The following WWOX variants were observed in gnomAD, a reference collection of about 807,000 sequenced individuals.
WWOX encodes the protein WW domain containing oxidoreductase.
WWOX carries 69 observed loss-of-function variants against 46.2 expected under a neutral mutation model. That is an observed-to-expected ratio of 1.49 (90% CI 1.23 to 1.82). WWOX has a LOEUF of 1.82. Among genes scored for constraint, WWOX ranks in the 40% most tolerant of loss-of-function variants. WWOX has a pLI of 0.00. For missense variants in WWOX, 919 were observed against 542.6 expected (o/e 1.69, Z -6.89); for synonymous variants, 359 against 202.6 (o/e 1.77, Z -6.56).
In WWOX at chr16:78,667,069, A is replaced by T. The variant is rs568069393; in HGVS notation, c.1056+234317A>T. On this transcript the variant is annotated intron_variant, in intron 8 of 8. Coordinates refer to ENST00000566780, the MANE Select transcript of WWOX (RefSeq NM_016373.4). ...TTACATAATGGTCAGAGGAGTTTTG[A>T]GTATCGGATCTTTGTGTACTTGCTT... Among the ~76,000 whole-genome samples, 9 of 152,296 alleles carry T rather than the reference A, an allele frequency of 5.9e-5. No homozygotes were observed. In the South Asian group the frequency reaches 1.9e-3, roughly 32 times the overall value.
chr16:79,128,508 C>A (rs1166386202), intron 8 of WWOX, among the ~76,000 whole-genome samples: 1 of 152,232 alleles, frequency 6.6e-6, no homozygotes, highest in East Asian at 1.9e-4. Context: ...AATAACTTGG[C>A]CAAGGTCACA....
intron 8 of WWOX, among the ~76,000 whole-genome samples, chr16:78,926,734 T>G (rs74746939): frequency 0.021 from 3,258 of 152,290 alleles, 38 homozygotes; most frequent in African/African-American, 0.029. Flanking sequence ...GAAAAGTCTT[T>G]CTACATTTCT....
intron 5 of WWOX, among the ~76,000 whole-genome samples, chr16:78,246,897 C>A (rs186532813): frequency 6.6e-6 from 1 of 151,928 alleles, no homozygotes; most frequent in Non-Finnish European, 1.5e-5. Context: ...AATCCTTGGA[C>A]CCCAGAGTGA....
intron 8 of WWOX, among the ~76,000 whole-genome samples, chr16:78,858,547 C>A (rs868008224): frequency 1.3e-5 from 2 of 152,076 alleles, no homozygotes; most frequent in Middle Eastern, 3.4e-3. Context: ...AGGTGATAAA[C>A]AGTAATTATA....
At chr16:78,521,037 G>A (rs1331511243) in intron 8 of WWOX, among the ~76,000 whole-genome samples, 1 of 152,154 alleles carries the variant, frequency 6.6e-6, no homozygotes, top group East Asian at 1.9e-4. Flanking sequence ...GGCCCCTTCT[G>A]GAAACACACT....
chr16:78,609,643 C>G (rs1007927324), intron 8 of WWOX, among the ~76,000 whole-genome samples: 1 of 151,876 alleles, frequency 6.6e-6, no homozygotes, highest in Non-Finnish European at 1.5e-5. Context: ...GTCCCTGTCA[C>G]TCTTAAAATG....
chr16:78,467,983 T>C (rs975053590), intron 8 of WWOX, among the ~76,000 whole-genome samples: 21 of 152,180 alleles, frequency 1.4e-4, no homozygotes, highest in African/African-American at 4.8e-4. Context: ...ATGGGCAATC[T>C]TGGGGATGGG....
chr16:78,150,102 A>C (rs2034347260), intron 4 of WWOX, among the ~76,000 whole-genome samples: 2 of 152,190 alleles, frequency 1.3e-5, no homozygotes, highest in Non-Finnish European at 1.5e-5. Flanking sequence ...TGTCAAGTGC[A>C]CTTCTGACTC....
chr16:79,191,394 A>T (rs1218349512), intron 8 of WWOX, among the ~76,000 whole-genome samples: 1 of 152,122 alleles, frequency 6.6e-6, no homozygotes, highest in Non-Finnish European at 1.5e-5. Context: ...CCACCGAGAT[A>T]GTAAGTGGAC....
At chr16:78,587,086 C>A (rs1343632212) in intron 8 of WWOX, among the ~76,000 whole-genome samples, 1 of 151,584 alleles carries the variant, frequency 6.6e-6, no homozygotes, top group African/African-American at 2.4e-5. Context: ...AGTGCAGTGG[C>A]GTGATCACAG....
intron 8 of WWOX, among the ~76,000 whole-genome samples, chr16:79,198,956 A>T (rs2051293675): frequency 6.6e-6 from 1 of 152,064 alleles, no homozygotes; most frequent in Non-Finnish European, 1.5e-5. Context: ...AGTTGTTGAG[A>T]CTGGGTGTCT....
chr16:79,011,565 CACCACA>C (rs1212931747), intron 8 of WWOX, among the ~76,000 whole-genome samples: 3 of 151,258 alleles, frequency 2.0e-5, no homozygotes, highest in African/African-American at 7.3e-5. Context: ...GGTGATGGCT[CACCACA>C]GCCTCAGCCT....
chr16:78,952,593 A>T (rs765625439), intron 8 of WWOX, among the ~76,000 whole-genome samples: 3 of 152,106 alleles, frequency 2.0e-5, no homozygotes, highest in Non-Finnish European at 4.4e-5. Flanking sequence ...CATGTTGGCC[A>T]GCCTGGTCTT....
chr16:78,498,459 C>G (rs1040181644), intron 8 of WWOX, among the ~76,000 whole-genome samples: 2 of 152,042 alleles, frequency 1.3e-5, no homozygotes, highest in Non-Finnish European at 1.5e-5. Flanking sequence ...GGCCTGCTCA[C>G]AAATCTTATG....
intron 8 of WWOX, among the ~76,000 whole-genome samples, chr16:78,499,683 T>A (rs1320973645): frequency 6.6e-6 from 1 of 152,230 alleles, no homozygotes; most frequent in African/African-American, 2.4e-5. Context: ...CTTTGACTCC[T>A]TAAGGATAAG....
chr16:78,568,686 G>A (rs1479700942), intron 8 of WWOX, among the ~76,000 whole-genome samples: 3 of 152,044 alleles, frequency 2.0e-5, no homozygotes, highest in African/African-American at 7.2e-5. Flanking sequence ...TGTTGGCCAG[G>A]CTGGTGTCGA....
chr16:78,778,224 T>G (rs2050240161), intron 8 of WWOX, among the ~76,000 whole-genome samples: 1 of 152,086 alleles, frequency 6.6e-6, no homozygotes, highest in African/African-American at 2.4e-5. Context: ...GCAGCCTATT[T>G]CTTGAATAAC....
intron 8 of WWOX, among the ~76,000 whole-genome samples, chr16:78,907,054 G>A (rs1211695579): frequency 2.0e-5 from 3 of 152,176 alleles, no homozygotes; most frequent in Non-Finnish European, 4.4e-5. Flanking sequence ...AATGTTGGTA[G>A]AGCCAGCTAA....
chr16:78,796,895 G>A (rs564669877), intron 8 of WWOX, among the ~76,000 whole-genome samples: 35 of 150,416 alleles, frequency 2.3e-4, no homozygotes, highest in African/African-American at 8.6e-4. Context: ...GTGCGATCTC[G>A]GCTCACTGCA....
Sources: gnomAD v4.1 joint callset for allele counts (sites outside exome capture counted in the v4.1 genomes callset) on GRCh38, gnomAD v4.1.1 for gene constraint, MANE v1.5 for transcripts, NCBI Gene and HGNC (gene_info 2026-07-23, HGNC 2026-07-21) for gene names.